The following SMAD9 variants were observed in gnomAD, a reference collection of about 807,000 sequenced individuals.
SMAD9 encodes SMAD family member 9, also known as MAD homolog 9.
In SMAD9, 36 loss-of-function variants were observed where a neutral mutation model predicts 46.1. That is an observed-to-expected ratio of 0.78 (90% confidence interval 0.60 to 1.03). SMAD9 has a LOEUF of 1.03. Among genes scored for constraint, SMAD9 ranks in the 50% least tolerant of loss-of-function variants. SMAD9 has a pLI of 0.00. For synonymous variants in SMAD9, 245 were observed against 237.1 expected (o/e 1.03, Z -0.31); for missense variants, 572 against 599.8 (o/e 0.95, Z 0.48).
At chr13:36,886,953 G>C (rs1291574156) in intron 1 of SMAD9, among the ~76,000 whole-genome samples, 1 of 151,794 alleles carries the variant, frequency 6.6e-6, no homozygotes, top group Non-Finnish European at 1.5e-5. Context: ...AGTGAGGCAA[G>C]AGAAGACACG....
At position 36,916,453 on chromosome 13, in the gene SMAD9, T is replaced by C. The variant is rs899720269; in HGVS notation, c.-187+3663A>G. ...CTGAGGGGATTTCAGGCCTCTGAAC[T>C]AGTCCTCAGCTCAGATTCAACACCA... On this transcript the variant is annotated intron_variant, in intron 1 of 6. Transcript: ENST00000379826. Among the ~76,000 whole-genome samples, 4 of 152,206 alleles carry C rather than the reference T, an allele frequency of 2.6e-5. No individual in the cohort carries two copies. The East Asian group carries it at 7.7e-4, about 29-fold the overall frequency.
intron 1 of SMAD9, among the ~76,000 whole-genome samples, chr13:36,892,057 T>C (rs1365116897): frequency 6.6e-6 from 1 of 152,218 alleles, no homozygotes; most frequent in Non-Finnish European, 1.5e-5. Context: ...CAAGACCATG[T>C]TGAAATATTT....
chr13:36,861,626 A>G (rs2058183289), intron 5 of SMAD9, among the ~76,000 whole-genome samples: 1 of 150,044 alleles, frequency 6.7e-6, no homozygotes, highest in Non-Finnish European at 1.5e-5. Context: ...ACTAAAAAGA[A>G]TTTTTAAAAA....
At chr13:36,913,383 A>G (rs899270487) in intron 1 of SMAD9, among the ~76,000 whole-genome samples, 1 of 152,172 alleles carries the variant, frequency 6.6e-6, no homozygotes, top group African/African-American at 2.4e-5. Context: ...CAGGGTAGAC[A>G]CAATAGACAC....
intron 3 of SMAD9, among the ~76,000 whole-genome samples, chr13:36,871,637 G>C (rs924371472): frequency 2.6e-5 from 4 of 152,156 alleles, no homozygotes; most frequent in African/African-American, 9.7e-5. Flanking sequence ...AAAAAAGAAG[G>C]CTCGCTGTTC....
intron 1 of SMAD9, among the ~76,000 whole-genome samples, chr13:36,914,895 G>A (rs2058687374): frequency 6.6e-6 from 1 of 152,146 alleles, no homozygotes; most frequent in Non-Finnish European, 1.5e-5. Flanking sequence ...CAAGTACGTA[G>A]GACAAAATCC....
At position 36,847,122 on chromosome 13, in the gene SMAD9, G is replaced by GT. The variant is rs1264154115; in HGVS notation, c.*1553dup. On this transcript the variant is annotated 3_prime_UTR_variant, in exon 7 of 7. Transcript: ENST00000379826. ...TTTCTATTAGCTAACACTAGTAACT[G>GT]TAAGAGGTGACAGTAGTAGCTCAAT... 6.6e-6 allele frequency: 1 copy of GT among 152,184 alleles called. No individual in the cohort carries two copies. The highest frequency in any genetic ancestry group is 2.4e-5 in the African/African-American group (1 of 41,440). 9.4% of individuals were successfully genotyped at this position (152,184 alleles called of 1,614,324 possible). A position where few individuals can be genotyped will look rare whatever the true frequency, so the allele number is the denominator to read the frequency against.
At chr13:36,882,747 A>G (rs1302243738) in intron 1 of SMAD9, among the ~76,000 whole-genome samples, 1 of 152,230 alleles carries the variant, frequency 6.6e-6, no homozygotes, top group Non-Finnish European at 1.5e-5. Flanking sequence ...TGTTCAAAAT[A>G]TTATTTTCTA....
intron 3 of SMAD9, among the ~76,000 whole-genome samples, chr13:36,870,596 C>T (rs1212720264): frequency 8.0e-6 from 1 of 125,316 alleles, no homozygotes. Context: ...CTACTGACTC[C>T]TGAAGGTCAG....
intron 1 of SMAD9, among the ~76,000 whole-genome samples, chr13:36,901,184 T>C (rs1299593312): frequency 6.6e-6 from 1 of 152,224 alleles, no homozygotes; most frequent in Non-Finnish European, 1.5e-5. Context: ...CTTTCGAGCA[T>C]ATACCTAGGA....
intron 1 of SMAD9, among the ~76,000 whole-genome samples, chr13:36,883,366 G>A (rs1211231801): frequency 6.6e-6 from 1 of 152,192 alleles, no homozygotes; most frequent in Non-Finnish European, 1.5e-5. Context: ...AACAATAAGT[G>A]AGCCCAACCT....
chr13:36,881,647 C>T (rs541070270), intron 1 of SMAD9, among the ~76,000 whole-genome samples: 1 of 152,346 alleles, frequency 6.6e-6, no homozygotes, highest in East Asian at 1.9e-4. Context: ...GAGTTGAGAG[C>T]TCCATAGCTG....
At chr13:36,857,474 A>T (rs1358836794) in intron 5 of SMAD9, among the ~76,000 whole-genome samples, 1 of 152,128 alleles carries the variant, frequency 6.6e-6, no homozygotes, top group Non-Finnish European at 1.5e-5. Context: ...TTTGTGTGTG[A>T]CTGCCACCCA....
chr13:36,857,625 G>A (rs1256536433), intron 5 of SMAD9, among the ~76,000 whole-genome samples: 1 of 152,014 alleles, frequency 6.6e-6, no homozygotes, highest in African/African-American at 2.4e-5. Context: ...TTGAATGACA[G>A]GAAATGACTG....
At chr13:36,882,338 A>T (rs2058411615) in intron 1 of SMAD9, among the ~76,000 whole-genome samples, 1 of 152,012 alleles carries the variant, frequency 6.6e-6, no homozygotes, top group Admixed American at 6.6e-5. Flanking sequence ...AAAAGTTTGA[A>T]AAGCACTACT....
At chr13:36,878,169 TATAC>T (rs1305478759) in intron 2 of SMAD9, among the ~76,000 whole-genome samples, 1 of 148,082 alleles carries the variant, frequency 6.8e-6, no homozygotes, top group Non-Finnish European at 1.5e-5. Context: ...ATATATATAA[TATAC>T]ATACACACAC....
At chr13:36,870,482 A>G (rs1026685801) in intron 3 of SMAD9, among the ~76,000 whole-genome samples, 1 of 151,862 alleles carries the variant, frequency 6.6e-6, no homozygotes, top group Non-Finnish European at 1.5e-5. Flanking sequence ...CCCTCCCCCA[A>G]TTCACTGCCC....
chr13:36,869,818 A>G (rs1449733641), intron 3 of SMAD9, among the ~76,000 whole-genome samples: 2 of 142,544 alleles, frequency 1.4e-5, no homozygotes, highest in African/African-American at 5.1e-5. Flanking sequence ...AACAAGAGCA[A>G]AACTCCATCT....
At chr13:36,916,274 T>A (rs2058698043) in intron 1 of SMAD9, among the ~76,000 whole-genome samples, 1 of 152,238 alleles carries the variant, frequency 6.6e-6, no homozygotes, top group Admixed American at 6.5e-5. Context: ...GGTAGCCGTA[T>A]CACATTAAAA....
Sources: gnomAD v4.1 joint callset for allele counts (sites outside exome capture counted in the v4.1 genomes callset) on GRCh38, gnomAD v4.1.1 for gene constraint, MANE v1.5 for transcripts, NCBI Gene and HGNC (gene_info 2026-07-23, HGNC 2026-07-21) for gene names.